NME2: variants seen among roughly 807,000 people sequenced by gnomAD.
The protein encoded by NME2 is NME/NM23 nucleoside diphosphate kinase 2, also known as nucleoside diphosphate kinase B.
Under a neutral mutation model 17.8 loss-of-function variants are expected in NME2, and 18 were observed. That is an observed-to-expected ratio of 1.01 (90% confidence interval 0.70 to 1.50). The LOEUF (loss-of-function observed/expected upper bound fraction) is 1.50, where lower values mean the gene tolerates loss of function less well. Among genes scored for constraint, NME2 ranks in the 40% most tolerant of loss-of-function variants. NME2 has a pLI of 0.00. For missense variants in NME2, 161 were observed against 195.6 expected, an observed-to-expected ratio of 0.82 and a Z score of 1.05; for synonymous variants, 74 against 71.4, an observed-to-expected ratio of 1.04 and a Z score of -0.19.
In NME2 at chr17:51,170,061, G is replaced by C; in HGVS notation, c.341+12G>C. ...ATTCAGGTTGGCAGGTAAGTCCGGG[G>C]ACAGGAGGGTGGATGACTTTTATGC... On this transcript the variant is annotated intron_variant, in intron 4 of 4. Transcript: ENST00000512737. 6.3e-7 allele frequency: 1 copy of C among 1,599,608 alleles called. No individual in the cohort carries two copies. The highest frequency in any genetic ancestry group is 2.3e-5 in the East Asian group (1 of 43,948).
At chr17:51,168,445 C>T in intron 3 of NME2, 102 bp downstream of exon 3, 1 of 1,254,110 alleles carries the variant, frequency 8.0e-7, no homozygotes, top group Non-Finnish European at 1.1e-6. Flanking sequence ...ATGAATGGAA[C>T]CTGCTGAAGT....
intron 1 of NME2, 130 bp downstream of exon 1, chr17:51,166,627 A>T: frequency 2.6e-6 from 1 of 387,370 alleles, no homozygotes; most frequent in Non-Finnish European, 4.2e-6. Context: ...GGAGCGGGAG[A>T]TTCCCTTGCA....
At chr17:51,170,340 A>T (rs890215028) in intron 4 of NME2, among the ~76,000 whole-genome samples, 2 of 151,468 alleles carry the variant, frequency 1.3e-5, no homozygotes, top group African/African-American at 4.9e-5. Flanking sequence ...TGGTTTCACC[A>T]CGTTGGCCAG....
At chr17:51,171,440 C>A in intron 4 of NME2, 47 bp from the exon 5 acceptor site, 1 of 1,571,392 alleles carries the variant, frequency 6.4e-7, no homozygotes, top group Non-Finnish European at 8.7e-7. Context: ...ATTAAACAGA[C>A]TTTTGCACTT....
rs2050053707 is a variant in NME2 at position 51,170,745 on chromosome 17, C to A, written c.341+696C>A. On this transcript the variant is annotated intron_variant, in intron 4 of 4. Coordinates refer to ENST00000512737, the MANE Select transcript of NME2 (RefSeq NM_002512.4). ...GAGGCTGCATTGAGCTAAGATCACG[C>A]CACTGCACTCCAGCCTGGGCAACAA... is the stretch of plus-strand genomic sequence containing the variant. 2.7e-5 allele frequency among the ~76,000 whole-genome samples: 4 copies of A among 149,982 alleles called. No homozygotes were observed. In the South Asian group the frequency reaches 8.5e-4, roughly 32 times the overall value.
chr17:51,170,988 T>G (rs1217720526), intron 4 of NME2, among the ~76,000 whole-genome samples: 5 of 152,204 alleles, frequency 3.3e-5, no homozygotes, highest in Non-Finnish European at 7.3e-5. Context: ...TTCCCTCACC[T>G]GTACACAGTC....
rs976425543 is a variant in NME2, at chr17:51,166,737, G to T, written c.-4-90G>T. 9.7e-6 allele frequency: 13 copies of T among 1,344,734 alleles called. No homozygotes were observed. The African/African-American group carries it at 1.7e-4, about 18-fold the overall frequency. The allele number at this position is 1,344,734 out of a possible 1,614,324, so 83.3% of individuals were successfully genotyped here. On this transcript the variant is annotated intron_variant, in intron 1 of 4. Coordinates refer to ENST00000512737, the MANE Select transcript of NME2 (RefSeq NM_002512.4). ...ACGTGTCCCCGCGGCCGCGCGTGGT[G>T]GGGGAGGAGGGACCGGCGGCGCCCA...
In NME2 at chr17:51,171,649, C is replaced by T; in HGVS notation, c.*45C>T. The T allele has an allele frequency of 5.0e-6, 7 of 1,402,074 alleles. No homozygotes were observed. The highest frequency in any genetic ancestry group is 7.0e-6 in the Non-Finnish European group (7 of 994,096). The allele number at this position is 1,402,074 out of a possible 1,614,324, so 86.9% of individuals were successfully genotyped here. On this transcript the variant is annotated 3_prime_UTR_variant, in exon 5 of 5. Coordinates refer to ENST00000512737, the MANE Select transcript of NME2 (RefSeq NM_002512.4). ...TCTCCTTCAGCACGGCGTGGTGTGT[C>T]CCTGGACACAGCTCTTCATTCCATT... is the stretch of plus-strand genomic sequence containing the variant.
rs761890059 is a variant in NME2, at chr17:51,168,331, G to A, written c.216G>A (p.Pro72=). 8.7e-6 allele frequency: 14 copies of A among 1,613,800 alleles called. 1 individual carries two copies. In the South Asian group the frequency reaches 1.3e-4, roughly 15 times the overall value. ...TGGTGAAGTACATGAACTCAGGGCCGGTTGTGGCCATGGTGAGTGCTCGTG... is the reference window on the plus strand; with the variant it reads ...TGGTGAAGTACATGAACTCAGGGCCAGTTGTGGCCATGGTGAGTGCTCGTG... ...PGLVKYMNSG[P]VVAMVWEGLN... The change falls in exon 3 of 5, where the codon CCG becomes CCA. Residue 72 remains proline, a synonymous_variant. Coordinates refer to ENST00000512737, the MANE Select transcript of NME2 (RefSeq NM_002512.4).
intron 2 of NME2, chr17:51,167,227 AG>A (rs963610038): frequency 2.8e-4 from 166 of 585,258 alleles, no homozygotes; most frequent in Non-Finnish European, 4.2e-4. Flanking sequence ...CACCCGCCGC[AG>A]GGGGGCAGCA....
At chr17:51,166,688 C>T (rs2049946456) in intron 1 of NME2, 139 bp from the exon 2 acceptor site, 2 of 878,818 alleles carry the variant, frequency 2.3e-6, no homozygotes, top group Non-Finnish European at 3.0e-6. Flanking sequence ...CGGCCCTGCG[C>T]GGGGCGGAAG....
At chr17:51,171,368 G>A (rs754275725) in intron 4 of NME2, 119 bp from the exon 5 acceptor site, 2 of 726,950 alleles carry the variant, frequency 2.8e-6, no homozygotes, top group Non-Finnish European at 4.7e-6. Context: ...GTATAAATTG[G>A]TCTGTTGCTT....
At chr17:51,170,482 G>A (rs1415608502) in intron 4 of NME2, among the ~76,000 whole-genome samples, 1 of 151,674 alleles carries the variant, frequency 6.6e-6, no homozygotes, top group Non-Finnish European at 1.5e-5. Context: ...AAACTTTCAG[G>A]CTGGGTATAT....
At chr17:51,170,191 G>T in intron 4 of NME2, 142 bp downstream of exon 4, 1 of 653,334 alleles carries the variant, frequency 1.5e-6, no homozygotes, top group Non-Finnish European at 2.4e-6. Flanking sequence ...TGCCTAGCTG[G>T]AGTGCAGTGG....
chr17:51,171,350 C>T, intron 4 of NME2, 137 bp from the exon 5 acceptor site: 1 of 629,900 alleles, frequency 1.6e-6, no homozygotes, highest in East Asian at 2.7e-5. Context: ...AAAGGAAATG[C>T]TTTGGGGGTA....
chr17:51,170,028 A>G lies in NME2; in HGVS notation c.320A>G (p.Asp107Gly). The change falls in exon 4 of 5, where the codon GAC (aspartate) becomes GGC (glycine). Residue 107 changes from aspartate (D) to glycine (G), a missense_variant. Transcript: ENST00000512737. ...TCAAAGCCAGGCACCATTCGTGGGGACTTCTGCATTCAGGTTGGCAGGTAA... is the reference window on the plus strand; with the variant it reads ...TCAAAGCCAGGCACCATTCGTGGGGGCTTCTGCATTCAGGTTGGCAGGTAA... ...ADSKPGTIRG[D>G]FCIQVGRNII... 1.2e-6 allele frequency: 2 copies of G among 1,609,898 alleles called. No homozygotes were observed. The highest frequency in any genetic ancestry group is 1.7e-6 in the Non-Finnish European group (2 of 1,178,324).
intron 4 of NME2, among the ~76,000 whole-genome samples, chr17:51,170,256 C>T (rs1320689561): frequency 4.0e-5 from 6 of 151,540 alleles, no homozygotes; most frequent in Non-Finnish European, 7.4e-5. Context: ...ATCCTCCTGC[C>T]GCAGCCTCCC....
intron 4 of NME2, among the ~76,000 whole-genome samples, 169 bp downstream of exon 4, chr17:51,170,218 T>C (rs1412701389): frequency 6.6e-6 from 1 of 150,390 alleles, no homozygotes; most frequent in African/African-American, 2.5e-5. Context: ...CTCTGCTCAC[T>C]GTAACCTTCA....
At chr17:51,169,814 G>A (rs752412802) in intron 3 of NME2, 123 bp from the exon 4 acceptor site, 288 of 834,530 alleles carry the variant, frequency 3.5e-4, no homozygotes, top group Non-Finnish European at 5.1e-4. Flanking sequence ...CTCTGCTGGG[G>A]TTAGCTGATA....
Sources: gnomAD v4.1 joint callset for allele counts (sites outside exome capture counted in the v4.1 genomes callset) on GRCh38, gnomAD v4.1.1 for gene constraint, MANE v1.5 for transcripts, NCBI Gene and HGNC (gene_info 2026-07-23, HGNC 2026-07-21) for gene names.